Variants in RAC2 observed in about 807,000 individuals in gnomAD.
RAC2 encodes ras-related C3 botulinum toxin substrate 2.
RAC2 carries 1 observed loss-of-function variant against 24.0 expected under a neutral mutation model. The ratio of observed to expected loss-of-function variants is 0.04; its 90% CI spans 0.01 to 0.20. RAC2 has a LOEUF of 0.20. RAC2 is among the 10% of genes least tolerant of loss of function. RAC2 has a pLI of 1.00. For missense variants in RAC2, 130 were observed against 259.1 expected (o/e 0.50, Z 3.42); for synonymous variants, 114 against 106.8 (o/e 1.07, Z -0.41).
intron 2 of RAC2, chr22:37,241,098 C>T (rs1336458482): frequency 2.6e-6 from 2 of 772,364 alleles, no homozygotes. Flanking sequence ...CTGACACCAA[C>T]ACGCTCCCTC....
rs1035842826 is a variant in RAC2 at position 37,240,234 on chromosome 22, C to T, written c.107+1353G>A. ...CTCCAGGCTCTCTTCTCCCTTCTGCCTGCCCTCCTCTTCCTAGGAGAGCCT... is the reference window on the plus strand; with the variant it reads ...CTCCAGGCTCTCTTCTCCCTTCTGCTTGCCCTCCTCTTCCTAGGAGAGCCT... On this transcript the variant is annotated intron_variant, in intron 2 of 6. Transcript: ENST00000249071. Among the ~76,000 whole-genome samples, 8 of 152,320 alleles carry T rather than the reference C, an allele frequency of 5.3e-5. No individual in the cohort carries two copies. The East Asian group carries it at 5.8e-4, about 11-fold the overall frequency.
chr22:37,238,643 T>C (rs760777835), intron 2 of RAC2, among the ~76,000 whole-genome samples: 1 of 152,242 alleles, frequency 6.6e-6, no homozygotes, highest in East Asian at 1.9e-4. Flanking sequence ...ACGAGGGCAC[T>C]GTCTTCCTGC....
At chr22:37,242,893 G>A (rs1313950799) in intron 1 of RAC2, among the ~76,000 whole-genome samples, 1 of 152,252 alleles carries the variant, frequency 6.6e-6, no homozygotes, top group African/African-American at 2.4e-5. Flanking sequence ...AGGCTGGACA[G>A]GAGGCCCCCT....
Position 37,240,890 on chromosome 22 carries a change from C to A in RAC2, c.107+697G>T, listed in dbSNP as rs1044117487. On this transcript the variant is annotated intron_variant, in intron 2 of 6. Coordinates refer to ENST00000249071, the MANE Select transcript of RAC2 (RefSeq NM_002872.5). ...GTAGAAATGTGCAGGGAGCTTGTGG[C>A]GAACAGTAGGGTCCGGAGGAGGCAG... 2.9e-5 allele frequency: 18 copies of A among 628,528 alleles called. No individual in the cohort carries two copies. The Admixed American group carries it at 4.5e-4, about 16-fold the overall frequency. The allele number at this position is 628,528 out of a possible 1,614,324, so 38.9% of individuals were successfully genotyped here.
intron 2 of RAC2, among the ~76,000 whole-genome samples, chr22:37,234,742 A>G (rs1400831935): frequency 1.3e-5 from 2 of 151,894 alleles, no homozygotes; most frequent in Admixed American, 6.6e-5. Context: ...GTTCTCACCA[A>G]CCTGGTCTCT....
rs140543568 is a variant in RAC2, at chr22:37,232,879, C to T, written c.147G>A (p.Lys49=). 474 of 1,614,026 alleles carry T rather than the reference C, an allele frequency of 2.9e-4. No homozygotes were observed. The highest frequency in any genetic ancestry group is 3.9e-4 in the Non-Finnish European group (462 of 1,180,040). Residue 49 remains lysine, a synonymous_variant, in exon 3 of 7, where the codon AAG becomes AAA. Coordinates refer to ENST00000249071, the MANE Select transcript of RAC2 (RefSeq NM_002872.5). ...TGTCCCACAGCCCCAGGTTCACTGG[C>T]TTGCTGTCCACCATCACATTGGCTG... ...NYSANVMVDS[K]PVNLGLWDTA... is the part of the protein sequence containing the mutation.
chr22:37,240,367 G>A (rs1927351191), intron 2 of RAC2, among the ~76,000 whole-genome samples: 1 of 152,252 alleles, frequency 6.6e-6, no homozygotes, highest in Non-Finnish European at 1.5e-5. Flanking sequence ...GTAAGCCTGG[G>A]AGGCAAGCCT....
In RAC2 at chr22:37,231,134, C is replaced by T; in HGVS notation, c.448+97G>A. The T allele has an allele frequency of 6.8e-7, 1 of 1,463,168 alleles. No homozygotes were observed. The highest frequency in any genetic ancestry group is 9.5e-7 in the Non-Finnish European group (1 of 1,050,972). 90.6% of individuals were successfully genotyped at this position (1,463,168 alleles called of 1,614,324 possible). ...ACAGCACAGCTGAGTTCAAACTGCA[C>T]AGCCTGGCCCTGCAGCCCGTGTTTA... On this transcript the variant is annotated intron_variant, in intron 5 of 6. Coordinates refer to ENST00000249071, the MANE Select transcript of RAC2 (RefSeq NM_002872.5). This position sits in a 1 kb window ranked among gnomAD's most constrained non-coding sequence, Gnocchi z 5.5.
In RAC2 at chr22:37,225,491, T is replaced by G. The variant is rs1926800722; in HGVS notation, c.*551A>C. On this transcript the variant is annotated 3_prime_UTR_variant, in exon 7 of 7. Coordinates refer to ENST00000249071, the MANE Select transcript of RAC2 (RefSeq NM_002872.5). ...AGATATCCCCAGAGGCGTAGAAAAT[T>G]AAATTTGTTTTATGTTGTTCCAAAA... 1 of 152,122 alleles carries G rather than the reference T, an allele frequency of 6.6e-6. No homozygotes were observed. Among genetic ancestry groups the G allele is most frequent in the African/African-American group, 2.4e-5 (1 of 41,394 alleles). 9.4% of individuals were successfully genotyped at this position (152,122 alleles called of 1,614,324 possible).
Position 37,231,409 on chromosome 22 carries a change from G to A in RAC2, c.289-19C>T, listed in dbSNP as rs2145823624. Reference sequence around the variant, plus strand: ...GGAACCACTGGGCAGGTGGGTGGGGGGACACAAGGTTGTATGGGTCAAGAG... The same window carrying A: ...GGAACCACTGGGCAGGTGGGTGGGGAGACACAAGGTTGTATGGGTCAAGAG... On this transcript the variant is annotated intron_variant, in intron 4 of 6. Transcript: ENST00000249071. This position sits in a 1 kb window ranked among gnomAD's most constrained non-coding sequence, Gnocchi z 5.5. 3 of 1,613,614 alleles carry A rather than the reference G, an allele frequency of 1.9e-6. No individual in the cohort carries two copies. The highest frequency in any genetic ancestry group is 2.2e-5 in the South Asian group (2 of 91,070).
In RAC2 at chr22:37,232,786, G is replaced by A. The variant is rs1173042017; in HGVS notation, c.225+15C>T. ...AGCAAAGGTCAGGACTGCAAGGCAG[G>A]TGGGAGCAGCACACCGTCTGTGGAT... On this transcript the variant is annotated intron_variant, in intron 3 of 6. Transcript: ENST00000249071. 6.2e-7 allele frequency: 1 copy of A among 1,600,246 alleles called. No individual in the cohort carries two copies. Among genetic ancestry groups the A allele is most frequent in the African/African-American group, 1.3e-5 (1 of 74,710 alleles).
chr22:37,241,700 TG>T, intron 1 of RAC2, 42 bp from the exon 2 acceptor site: 2 of 1,565,268 alleles, frequency 1.3e-6, no homozygotes, highest in African/African-American at 1.4e-5. Context: ...TCATGGGCTC[TG>T]CCGGAGACGT....
intron 2 of RAC2, chr22:37,240,830 T>C (rs1469405682): frequency 3.6e-5 from 21 of 588,034 alleles, no homozygotes; most frequent in Non-Finnish European, 6.5e-5. Flanking sequence ...AAAAGCACTA[T>C]GGGGAGAGAG....
chr22:37,232,019 C>A (rs759471295), intron 3 of RAC2, 25 bp from the exon 4 acceptor site: 1 of 1,550,490 alleles, frequency 6.4e-7, no homozygotes, highest in East Asian at 2.4e-5. Flanking sequence ...AGCGAGGTTG[C>A]TAGTGAGGAG....
At chr22:37,241,984 A>G (rs896316987) in intron 1 of RAC2, among the ~76,000 whole-genome samples, 2 of 152,198 alleles carry the variant, frequency 1.3e-5, no homozygotes, top group Admixed American at 6.5e-5. Flanking sequence ...GACCCAGGCA[A>G]TGCCGAGGGG....
intron 2 of RAC2, among the ~76,000 whole-genome samples, chr22:37,238,927 G>A (rs976028525): frequency 1.3e-5 from 2 of 152,194 alleles, no homozygotes; most frequent in Non-Finnish European, 2.9e-5. Flanking sequence ...TGGGGAGCCA[G>A]CTCTCAGGCT....
chr22:37,241,943 G>T (rs562105988), intron 1 of RAC2, among the ~76,000 whole-genome samples: 1 of 152,346 alleles, frequency 6.6e-6, no homozygotes, highest in East Asian at 1.9e-4. Flanking sequence ...TTCTCCAGGG[G>T]CCAGTGATGT....
At chr22:37,236,711 C>G (rs1023867013) in intron 2 of RAC2, among the ~76,000 whole-genome samples, 2 of 152,080 alleles carry the variant, frequency 1.3e-5, no homozygotes, top group African/African-American at 4.8e-5. Context: ...CGAAGCCCAC[C>G]CCCACGGAGG....
intron 3 of RAC2, 126 bp from the exon 4 acceptor site, chr22:37,232,120 G>A: frequency 3.1e-6 from 3 of 960,170 alleles, no homozygotes; most frequent in East Asian, 2.6e-5. Context: ...TGGGGACTTA[G>A]GATCTGGGCA....
Sources: gnomAD v4.1 joint callset for allele counts (sites outside exome capture counted in the v4.1 genomes callset) on GRCh38, gnomAD v4.1.1 for gene constraint, Gnocchi (gnomAD v3.1) non-coding constraint, MANE v1.5 for transcripts, NCBI Gene and HGNC (gene_info 2026-07-23, HGNC 2026-07-21) for gene names.